FANCL: variants seen among roughly 807,000 people sequenced by gnomAD.
FANCL encodes the protein FA complementation group L.
Under a neutral mutation model 59.4 loss-of-function variants are expected in FANCL, and 69 were observed. That is an observed-to-expected ratio of 1.16 (90% CI 0.96 to 1.42). The LOEUF is 1.42. Ranked by LOEUF, FANCL falls within the 40% of genes most tolerant of loss-of-function variation. The pLI is 0.00. For synonymous variants in FANCL, 180 were observed against 147.1 expected (o/e 1.22, Z -1.62); for missense variants, 519 against 447.2 (o/e 1.16, Z -1.45).
intron 1 of FANCL, among the ~76,000 whole-genome samples, chr2:58,239,642 A>G (rs1369975374): frequency 6.6e-6 from 1 of 152,220 alleles, no homozygotes; most frequent in Non-Finnish European, 1.5e-5. Context: ...GATTTTAATC[A>G]CTGTACTGTG....
At chr2:58,169,373 A>G (rs1255423613) in intron 7 of FANCL, among the ~76,000 whole-genome samples, 1 of 152,208 alleles carries the variant, frequency 6.6e-6, no homozygotes. Flanking sequence ...AACAAAAAGG[A>G]CATCCACACC....
At chr2:58,191,372 A>G (rs1688902076) in intron 7 of FANCL, among the ~76,000 whole-genome samples, 1 of 151,880 alleles carries the variant, frequency 6.6e-6, no homozygotes, top group African/African-American at 2.4e-5. Flanking sequence ...CTATATAAGA[A>G]TATTTTACTG....
At chr2:58,171,412 C>A (rs191379452) in intron 7 of FANCL, among the ~76,000 whole-genome samples, 1 of 152,268 alleles carries the variant, frequency 6.6e-6, no homozygotes, top group Admixed American at 6.5e-5. Flanking sequence ...GAAATGCCCA[C>A]ATGAGAAAGC....
chr2:58,211,075 C>G (rs1691097939), intron 5 of FANCL, among the ~76,000 whole-genome samples: 1 of 152,326 alleles, frequency 6.6e-6, no homozygotes, highest in African/African-American at 2.4e-5. Context: ...AGTAGGGACT[C>G]TGTGTGGGGA....
intron 1 of FANCL, among the ~76,000 whole-genome samples, chr2:58,240,075 T>C (rs79268223): frequency 0.065 from 9,754 of 149,224 alleles, 395 homozygotes; most frequent in Non-Finnish European, 0.092. Flanking sequence ...TACATAACAG[T>C]ATTTTGCCTA....
intron 7 of FANCL, among the ~76,000 whole-genome samples, chr2:58,170,618 G>C (rs893094876): frequency 4.7e-5 from 7 of 150,528 alleles, no homozygotes; most frequent in South Asian, 4.2e-4. Flanking sequence ...GTATTCAGGA[G>C]ATCCATCTCA....
chr2:58,207,416 T>C (rs560457649), intron 5 of FANCL, among the ~76,000 whole-genome samples: 70 of 152,278 alleles, frequency 4.6e-4, no homozygotes, highest in African/African-American at 1.5e-3. Flanking sequence ...TAAATGTCAA[T>C]AGCCACACAT....
At chr2:58,208,169 A>G (rs1037335136) in intron 5 of FANCL, among the ~76,000 whole-genome samples, 3 of 152,230 alleles carry the variant, frequency 2.0e-5, no homozygotes, top group South Asian at 2.1e-4. Flanking sequence ...ATGATTTAGG[A>G]AACAATCATC....
chr2:58,177,646 G>C (rs1369279242), intron 7 of FANCL, among the ~76,000 whole-genome samples: 91 of 100,320 alleles, frequency 9.1e-4, no homozygotes, highest in African/African-American at 3.2e-3. Flanking sequence ...TGGGGGGAGG[G>C]GGGAGGGATA....
intron 7 of FANCL, among the ~76,000 whole-genome samples, chr2:58,197,140 G>C (rs182075991): frequency 0.011 from 1,725 of 150,568 alleles, 38 homozygotes; most frequent in African/African-American, 0.039. Context: ...TTCCATTGTG[G>C]GGAGATTGGG....
At chr2:58,209,190 TAAGG>T (rs1305212948) in intron 5 of FANCL, among the ~76,000 whole-genome samples, 3 of 152,198 alleles carry the variant, frequency 2.0e-5, no homozygotes, top group Non-Finnish European at 4.4e-5. Flanking sequence ...AACTTTTTAA[TAAGG>T]AATATGAAAG....
At chr2:58,238,672 T>C (rs942254035) in intron 1 of FANCL, among the ~76,000 whole-genome samples, 1 of 152,204 alleles carries the variant, frequency 6.6e-6, no homozygotes, top group African/African-American at 2.4e-5. Flanking sequence ...GTAAGTTCCA[T>C]GGAGACTTTT....
chr2:58,218,993 A>G (rs1207488878), intron 5 of FANCL, among the ~76,000 whole-genome samples: 2 of 151,066 alleles, frequency 1.3e-5, no homozygotes, highest in East Asian at 3.9e-4. Flanking sequence ...ACACACCAAT[A>G]GCAACAAGCA....
intron 8 of FANCL, 53 bp from the exon 9 acceptor site, chr2:58,163,570 C>T (rs1685532807): frequency 8.8e-7 from 1 of 1,133,896 alleles, no homozygotes; most frequent in South Asian, 1.3e-5. Context: ...CATCAAACAA[C>T]CCAATAAAAA....
Position 58,163,075 on chromosome 2 carries a change from C to T in FANCL, c.776-1G>A. ...AGCTTAATTCCCAGGGGTTTTACCA[C>T]TTCAGATTAAAAAAAAAAAATTTAA... On this transcript the variant is annotated splice_acceptor_variant, in intron 9 of 13. Transcript: ENST00000233741. LOFTEE classifies it high-confidence loss of function. 1 of 1,608,510 alleles carries T rather than the reference C, an allele frequency of 6.2e-7. No individual in the cohort carries two copies. Among genetic ancestry groups the T allele is most frequent in the Non-Finnish European group, 8.5e-7 (1 of 1,177,366 alleles).
chr2:58,197,791 T>G (rs570473909), intron 7 of FANCL, among the ~76,000 whole-genome samples: 2 of 151,778 alleles, frequency 1.3e-5, no homozygotes, highest in Non-Finnish European at 2.9e-5. Flanking sequence ...AAAAATGGAG[T>G]AGAAATGCCA....
rs549979196 is a variant in FANCL, at chr2:58,209,233, A to AC, written c.375-5008dup. Among the ~76,000 whole-genome samples, 204 of 152,346 alleles carry AC rather than the reference A, an allele frequency of 1.3e-3. 1 individual carries two copies. Among genetic ancestry groups the AC allele is most frequent in the Non-Finnish European group, 2.5e-3 (170 of 68,028 alleles). ...TATATTCCTATGTATGTGTCAGTGT[A>AC]CCATGTTCCATGTATATATGACAAT... On this transcript the variant is annotated intron_variant, in intron 5 of 13. Transcript: ENST00000233741.
At chr2:58,186,636 G>A (rs1490659590) in intron 7 of FANCL, among the ~76,000 whole-genome samples, 3 of 152,182 alleles carry the variant, frequency 2.0e-5, no homozygotes, top group African/African-American at 7.2e-5. Context: ...GCCACTGGCT[G>A]AATTGCCCTA....
intron 7 of FANCL, among the ~76,000 whole-genome samples, chr2:58,183,032 T>G (rs1573611988): frequency 6.6e-6 from 1 of 151,664 alleles, no homozygotes; most frequent in East Asian, 1.9e-4. Flanking sequence ...TAGAAGAGAG[T>G]AAATGTATAA....
Sources: gnomAD v4.1 joint callset for allele counts (sites outside exome capture counted in the v4.1 genomes callset) on GRCh38, gnomAD v4.1.1 for gene constraint, MANE v1.5 for transcripts, NCBI Gene and HGNC (gene_info 2026-07-23, HGNC 2026-07-21) for gene names.